The following PRIMA1 variants were observed in gnomAD, a reference collection of about 807,000 sequenced individuals.
PRIMA1 encodes proline rich membrane anchor 1, also known as proline-rich membrane anchor 1.
In PRIMA1, 7 loss-of-function variants were observed where a neutral mutation model predicts 17.5. The ratio of observed to expected loss-of-function variants is 0.40; its 90% confidence interval spans 0.23 to 0.75. PRIMA1 has a LOEUF of 0.75. Among genes scored for constraint, PRIMA1 ranks in the 30% least tolerant of loss-of-function variants. PRIMA1 has a pLI of 0.37. For synonymous variants in PRIMA1, 97 were observed against 77.9 expected, an observed-to-expected ratio of 1.25 and a Z score of -1.29; for missense variants, 200 against 201.8, an observed-to-expected ratio of 0.99 and a Z score of 0.05.
At chr14:93,777,750 C>A (rs920019805) in intron 3 of PRIMA1, among the ~76,000 whole-genome samples, 3 of 152,214 alleles carry the variant, frequency 2.0e-5, no homozygotes, top group African/African-American at 7.2e-5. Context: ...TCTCAGGCCA[C>A]TCTTTGTGGG....
At chr14:93,770,741 A>G (rs1272503753) in intron 3 of PRIMA1, among the ~76,000 whole-genome samples, 1 of 152,204 alleles carries the variant, frequency 6.6e-6, no homozygotes, top group East Asian at 1.9e-4. Flanking sequence ...CACACAGAGC[A>G]ATCAATCTAC....
At chr14:93,734,980 A>G (rs1455142337) in intron 4 of PRIMA1, among the ~76,000 whole-genome samples, 1 of 152,216 alleles carries the variant, frequency 6.6e-6, no homozygotes, top group African/African-American at 2.4e-5. Flanking sequence ...ACCGCTGAGC[A>G]GCACTGCCCT....
intron 3 of PRIMA1, among the ~76,000 whole-genome samples, chr14:93,773,550 CT>C (rs1885126621): frequency 6.6e-6 from 1 of 152,244 alleles, no homozygotes; most frequent in Admixed American, 6.5e-5. Flanking sequence ...TGGAGAACCC[CT>C]GGTCAAGTGC....
At chr14:93,728,602 C>T (rs952311862) in intron 4 of PRIMA1, among the ~76,000 whole-genome samples, 3 of 152,088 alleles carry the variant, frequency 2.0e-5, no homozygotes, top group African/African-American at 7.2e-5. Flanking sequence ...ATGGGGGTTC[C>T]CATTTACCCT....
intron 3 of PRIMA1, among the ~76,000 whole-genome samples, chr14:93,747,660 G>C (rs956630397): frequency 6.6e-6 from 1 of 150,866 alleles, no homozygotes; most frequent in Non-Finnish European, 1.5e-5. Context: ...GTATGAGTGT[G>C]TGAGAGTGAG....
intron 3 of PRIMA1, among the ~76,000 whole-genome samples, chr14:93,737,640 C>A (rs768901736): frequency 2.0e-5 from 3 of 152,016 alleles, no homozygotes; most frequent in Non-Finnish European, 4.4e-5. Flanking sequence ...TTATGGGTGA[C>A]ACCAACAGAG....
intron 4 of PRIMA1, chr14:93,725,735 G>A (rs557556656): frequency 2.9e-6 from 1 of 345,966 alleles, no homozygotes; most frequent in African/African-American, 2.1e-5. Flanking sequence ...CTCCATAAAT[G>A]TTTGTTAGCT....
At chr14:93,753,667 G>C (rs1166998031) in intron 3 of PRIMA1, among the ~76,000 whole-genome samples, 1 of 152,120 alleles carries the variant, frequency 6.6e-6, no homozygotes, top group Non-Finnish European at 1.5e-5. Flanking sequence ...CAGAAGGCCC[G>C]ACAACAGAGC....
At chr14:93,731,895 C>T (rs1232742764) in intron 4 of PRIMA1, among the ~76,000 whole-genome samples, 2 of 152,218 alleles carry the variant, frequency 1.3e-5, no homozygotes, top group Non-Finnish European at 2.9e-5. Flanking sequence ...AGTGCTCGTT[C>T]TACTGAAAGT....
At chr14:93,779,860 G>C (rs939713445) in intron 2 of PRIMA1, among the ~76,000 whole-genome samples, 3 of 152,168 alleles carry the variant, frequency 2.0e-5, no homozygotes, top group Non-Finnish European at 4.4e-5. Context: ...CTCTACTCCT[G>C]TGTCCCACGT....
chr14:93,758,827 T>C (rs1447876605), intron 3 of PRIMA1, among the ~76,000 whole-genome samples: 3 of 152,082 alleles, frequency 2.0e-5, no homozygotes, highest in African/African-American at 7.2e-5. Context: ...GGTTCAGGGA[T>C]GATGAGGGCC....
chr14:93,725,087 C>A (rs2141150330), intron 4 of PRIMA1, among the ~76,000 whole-genome samples: 1 of 152,216 alleles, frequency 6.6e-6, no homozygotes, highest in South Asian at 2.1e-4. Flanking sequence ...GTGAGCCTGG[C>A]AGGAGGACCC....
At chr14:93,734,319 T>G (rs1271501132) in intron 4 of PRIMA1, among the ~76,000 whole-genome samples, 1 of 152,198 alleles carries the variant, frequency 6.6e-6, no homozygotes, top group Non-Finnish European at 1.5e-5. Context: ...ATTCCCCTGC[T>G]TCTTGGGTTT....
At chr14:93,738,312 C>T (rs1175446725) in intron 3 of PRIMA1, among the ~76,000 whole-genome samples, 4 of 152,126 alleles carry the variant, frequency 2.6e-5, no homozygotes, top group Non-Finnish European at 4.4e-5. Flanking sequence ...AAAGACATCA[C>T]ACAGCCTCAT....
At chr14:93,764,468 C>A (rs1309355571) in intron 3 of PRIMA1, among the ~76,000 whole-genome samples, 4 of 151,926 alleles carry the variant, frequency 2.6e-5, no homozygotes, top group African/African-American at 9.7e-5. Context: ...TCTCAAACTC[C>A]ACATGAGAAA....
intron 2 of PRIMA1, among the ~76,000 whole-genome samples, chr14:93,782,823 G>A (rs916377738): frequency 6.6e-6 from 1 of 152,116 alleles, no homozygotes; most frequent in Non-Finnish European, 1.5e-5. Context: ...AGCCTGCCTC[G>A]ACTCTGGGTT....
At chr14:93,752,107 T>C (rs1021032902) in intron 3 of PRIMA1, among the ~76,000 whole-genome samples, 61 of 152,296 alleles carry the variant, frequency 4.0e-4, no homozygotes, top group African/African-American at 1.4e-3. Flanking sequence ...AGGAGCCGTT[T>C]TCTTACCCTA....
At chr14:93,782,150 C>G (rs924810885) in intron 2 of PRIMA1, among the ~76,000 whole-genome samples, 1 of 152,054 alleles carries the variant, frequency 6.6e-6, no homozygotes, top group African/African-American at 2.4e-5. Context: ...CACCTGTAGT[C>G]CCAGCTACTC....
chr14:93,763,284 C>A (rs984632454), intron 3 of PRIMA1, among the ~76,000 whole-genome samples: 3 of 152,204 alleles, frequency 2.0e-5, no homozygotes, highest in Non-Finnish European at 4.4e-5. Context: ...TGCCTCTAAA[C>A]CCCCGATCAG....
Sources: allele counts gnomAD v4.1 joint callset (sites outside exome capture counted in the v4.1 genomes callset), GRCh38; gene constraint gnomAD v4.1.1; transcripts MANE v1.5; gene names NCBI Gene and HGNC (gene_info 2026-07-23, HGNC 2026-07-21).